Variants in SLFN13 observed in about 807,000 individuals in gnomAD.
The protein encoded by SLFN13 is schlafen-13.
SLFN13 carries 43 observed loss-of-function variants against 50.6 expected under a neutral mutation model. That is an observed-to-expected ratio of 0.85 (90% confidence interval 0.67 to 1.09). The LOEUF is 1.09. Among genes scored for constraint, SLFN13 ranks in the 50% least tolerant of loss-of-function variants. SLFN13 has a pLI of 0.00. For missense variants in SLFN13, 881 were observed against 1,071.1 expected (o/e 0.82, Z 2.48); for synonymous variants, 339 against 386.5 (o/e 0.88, Z 1.44).
chr17:35,442,636 G>C (rs756332629), intron 4 of SLFN13, among the ~76,000 whole-genome samples: 7 of 152,082 alleles, frequency 4.6e-5, no homozygotes, highest in Non-Finnish European at 8.8e-5. Context: ...GTAGAGACAG[G>C]GTTTCCCCAT....
chr17:35,445,715 T>A (rs760504197), intron 2 of SLFN13, 22 bp from the exon 3 acceptor site: 2 of 1,514,228 alleles, frequency 1.3e-6, no homozygotes, highest in South Asian at 1.3e-5. Flanking sequence ...AGAATATTTG[T>A]TTCATTTTTG....
intron 3 of SLFN13, among the ~76,000 whole-genome samples, chr17:35,444,339 T>C (rs1567863376): frequency 6.6e-6 from 1 of 152,254 alleles, no homozygotes; most frequent in Non-Finnish European, 1.5e-5. Flanking sequence ...ATCACTATTA[T>C]GAGGCTCCAA....
In SLFN13 at chr17:35,439,445, G is replaced by C. The variant is rs1195733464; in HGVS notation, c.*1150C>G. On this transcript the variant is annotated 3_prime_UTR_variant, in exon 6 of 6. Coordinates refer to ENST00000285013, the MANE Select transcript of SLFN13 (RefSeq NM_144682.6). Reference sequence around the variant, plus strand: ...GTAATGCATACAGCTACGCTGAGATGTTACAATGTAACAACATAAACTCAC... The same window carrying C: ...GTAATGCATACAGCTACGCTGAGATCTTACAATGTAACAACATAAACTCAC... 1.3e-5 allele frequency: 2 copies of C among 151,792 alleles called. No individual in the cohort carries two copies. The highest frequency in any genetic ancestry group is 2.9e-5 in the Non-Finnish European group (2 of 67,986). The allele number at this position is 151,792 out of a possible 1,614,324, so 9.4% of individuals were successfully genotyped here.
At chr17:35,448,320 G>A (rs1022606628) in intron 1 of SLFN13, 5 of 152,266 alleles carry the variant, frequency 3.3e-5, no homozygotes, top group African/African-American at 1.2e-4. Context: ...CTGCCTGTTT[G>A]TTCCGCCCCC....
rs1390443989 is a variant in SLFN13 at position 35,440,537 on chromosome 17, C to T, written c.*58G>A. The T allele has an allele frequency of 2.1e-5, 33 of 1,571,744 alleles. No homozygotes were observed. Among genetic ancestry groups the T allele is most frequent in the Middle Eastern group, 1.7e-4 (1 of 5,902 alleles). On this transcript the variant is annotated 3_prime_UTR_variant, in exon 6 of 6. Transcript: ENST00000285013. ...AAGAAAGGTTTCTACCATCAGCAGA[C>T]TGTCACCCATAGACATTTACACAGT...
chr17:35,446,669 G>A (rs1039322995), intron 2 of SLFN13: 3 of 152,202 alleles, frequency 2.0e-5, no homozygotes, highest in African/African-American at 7.2e-5. Context: ...TTTACAATGG[G>A]TTGAGGAATG....
intron 4 of SLFN13, among the ~76,000 whole-genome samples, chr17:35,442,952 G>C (rs1409377123): frequency 1.3e-5 from 2 of 152,140 alleles, no homozygotes; most frequent in Admixed American, 1.3e-4. Context: ...TGACTATAAA[G>C]CTCTCAGGTA....
intron 2 of SLFN13, chr17:35,446,790 G>A (rs1450079598): frequency 6.6e-6 from 1 of 152,164 alleles, no homozygotes; most frequent in Non-Finnish European, 1.5e-5. Context: ...AGGCAGCAGA[G>A]TTCAGAGGTC....
intron 4 of SLFN13, 99 bp downstream of exon 4, chr17:35,443,690 C>A: frequency 7.5e-7 from 1 of 1,337,396 alleles, no homozygotes. Context: ...TCACTGTGTA[C>A]ACCTGGATCT....
At position 35,441,162 on chromosome 17, in the gene SLFN13, G is replaced by A. The variant is rs1345429635; in HGVS notation, c.2127C>T (p.His709=). 6.2e-7 allele frequency: 1 copy of A among 1,614,040 alleles called. No homozygotes were observed. Among genetic ancestry groups the A allele is most frequent in the South Asian group, 1.1e-5 (1 of 91,084 alleles). Residue 709 remains histidine (H), a synonymous_variant, in exon 6 of 6, where the codon CAC becomes CAT. Coordinates refer to ENST00000285013, the MANE Select transcript of SLFN13 (RefSeq NM_144682.6). ...GAGGGGGAAGGCCACTGTGACCCAA[G>A]TGACTGGTCTGAAAGTAGTCCAGAA... The part of the protein sequence containing the change: ...WIFLDYFQTS[H]LGHSGLPPLS...
chr17:35,447,178 T>C (rs924577267), intron 2 of SLFN13, 90 bp downstream of exon 2: 2 of 152,206 alleles, frequency 1.3e-5, no homozygotes, highest in African/African-American at 4.8e-5. Flanking sequence ...GGTAGAGATA[T>C]TGTTTCCTAA....
In SLFN13 at chr17:35,437,117, G is replaced by C. The variant is rs1343956518; in HGVS notation, c.*3478C>G. 6.6e-6 allele frequency: 1 copy of C among 152,076 alleles called. No homozygotes were observed. 9.4% of individuals were successfully genotyped at this position (152,076 alleles called of 1,614,324 possible). A position where few individuals can be genotyped will look rare whatever the true frequency, so the allele number is the denominator to read the frequency against. On this transcript the variant is annotated 3_prime_UTR_variant, in exon 6 of 6. Transcript: ENST00000285013. ...AGGCACAGGGACAAGGCGAGAGAAG[G>C]CCATCAGGATCATCTGTGGTCAAAG...
At chr17:35,449,075 A>AC (rs56390508), upstream of SLFN13, among the ~76,000 whole-genome samples, 5,663 of 142,678 alleles carry the variant, frequency 0.04, 251 homozygotes, top group East Asian at 0.18. Context: ...AACAACAACA[A>AC]AATTACTCAG....
Position 35,438,798 on chromosome 17 carries a change from TA to T in SLFN13, c.*1796del, listed in dbSNP as rs1287916504. ...ATGGAATATTGGGCATGTGGTTTCT[TA>T]ATTTTCATTAGTTATGCAAATATTT... On this transcript the variant is annotated 3_prime_UTR_variant, in exon 6 of 6. Transcript: ENST00000285013. 1 of 152,150 alleles carries T rather than the reference TA, an allele frequency of 6.6e-6. No homozygotes were observed. Among genetic ancestry groups the T allele is most frequent in the Non-Finnish European group, 1.5e-5 (1 of 68,024 alleles). The allele number at this position is 152,150 out of a possible 1,614,324, so 9.4% of individuals were successfully genotyped here.
Position 35,440,588 on chromosome 17 carries a change from A to T in SLFN13, c.*7T>A. 6.2e-7 allele frequency: 1 copy of T among 1,613,654 alleles called. No homozygotes were observed. The highest frequency in any genetic ancestry group is 8.5e-7 in the Non-Finnish European group (1 of 1,179,678). ...ATTTTGGTTTGGAGTTCTTCCTAAT[A>T]GTCACTTCACAGAAAAATATATAGG... On this transcript the variant is annotated 3_prime_UTR_variant, in exon 6 of 6. Transcript: ENST00000285013.
chr17:35,439,908 A>T lies in SLFN13; in HGVS notation c.*687T>A, dbSNP rs2142071452. 6.6e-6 allele frequency: 1 copy of T among 152,242 alleles called. No individual in the cohort carries two copies. Among genetic ancestry groups the T allele is most frequent in the Middle Eastern group, 3.4e-3 (1 of 294 alleles). The allele number at this position is 152,242 out of a possible 1,614,324, so 9.4% of individuals were successfully genotyped here. A position where few individuals can be genotyped will look rare whatever the true frequency, so the allele number is the denominator to read the frequency against. ...AGCCAGCATTTTCTCTTGGCCTATA[A>T]TTTCTCTGTAAAGGTACCATTAATG... On this transcript the variant is annotated 3_prime_UTR_variant, in exon 6 of 6. Coordinates refer to ENST00000285013, the MANE Select transcript of SLFN13 (RefSeq NM_144682.6).
chr17:35,444,489 A>G (rs1309240312), intron 3 of SLFN13, 126 bp downstream of exon 3: 1 of 830,802 alleles, frequency 1.2e-6, no homozygotes, highest in Non-Finnish European at 1.7e-6. Flanking sequence ...ATCTATGAAA[A>G]GCATGGAGAT....
At chr17:35,447,592 GAAC>G (rs1454280261) in intron 1 of SLFN13, among the ~76,000 whole-genome samples, 178 bp from the exon 2 acceptor site, 7 of 152,158 alleles carry the variant, frequency 4.6e-5, no homozygotes, top group Non-Finnish European at 8.8e-5. Flanking sequence ...GGTAAAATCA[GAAC>G]AACACAAATC....
Position 35,444,765 on chromosome 17 carries a change from CT to C in SLFN13, c.915del (p.Glu306SerfsTer8), listed in dbSNP as rs761225115. 31 of 1,614,098 alleles carry C rather than the reference CT, an allele frequency of 1.9e-5. No homozygotes were observed. The South Asian group carries it at 3.3e-4, about 17-fold the overall frequency. On this transcript the variant is annotated frameshift_variant, in exon 3 of 6. Coordinates refer to ENST00000285013, the MANE Select transcript of SLFN13 (RefSeq NM_144682.6). LOFTEE classifies it high-confidence loss of function. ...ATCACACAGAGATAGCCATACAACT[CT>C]TTCCCACAAAACACTTCTACGATTT... ...STKIVEVFCG[K>X]ELYGYLCVIK...
Sources: gnomAD v4.1 joint callset for allele counts (sites outside exome capture counted in the v4.1 genomes callset) on GRCh38, gnomAD v4.1.1 for gene constraint, MANE v1.5 for transcripts, NCBI Gene and HGNC (gene_info 2026-07-23, HGNC 2026-07-21) for gene names.